Variants in GNAL observed in about 807,000 individuals in gnomAD.
GNAL encodes G protein subunit alpha L, also known as guanine nucleotide-binding protein G(olf) subunit alpha.
Under a neutral mutation model 55.1 loss-of-function variants are expected in GNAL, and 18 were observed. The ratio of observed to expected loss-of-function variants is 0.33; its 90% CI spans 0.23 to 0.48. The LOEUF is 0.48. Ranked by LOEUF, GNAL falls within the 20% of genes least tolerant of loss-of-function variation. The pLI is 0.99. For missense variants in GNAL, 412 were observed against 614.1 expected, an observed-to-expected ratio of 0.67 and a Z score of 3.48; for synonymous variants, 253 against 237.0, an observed-to-expected ratio of 1.07 and a Z score of -0.62.
chr18:11,695,928 A>ACGCGCG (rs1341342971), intron 1 of GNAL, among the ~76,000 whole-genome samples: 3 of 151,132 alleles, frequency 2.0e-5, no homozygotes, highest in African/African-American at 7.3e-5. Context: ...GCATGCACAC[A>ACGCGCG]CACACACACA....
intron 4 of GNAL, among the ~76,000 whole-genome samples, chr18:11,797,945 G>A (rs553443861): frequency 4.9e-4 from 75 of 152,302 alleles, no homozygotes; most frequent in African/African-American, 1.7e-3. Flanking sequence ...GAGAGGGTTA[G>A]TGAATTAACC....
chr18:11,826,467 C>T (rs1487071992), intron 5 of GNAL, among the ~76,000 whole-genome samples: 1 of 152,142 alleles, frequency 6.6e-6, no homozygotes. Flanking sequence ...ACCCCCAGGG[C>T]TGAAGACCAC....
intron 4 of GNAL, among the ~76,000 whole-genome samples, chr18:11,797,202 G>A (rs2034413912): frequency 6.6e-6 from 1 of 152,206 alleles, no homozygotes; most frequent in Non-Finnish European, 1.5e-5. Flanking sequence ...AAAGTGCTGG[G>A]ATTACAGGCG....
chr18:11,689,971 CCGGGGACAGCGCGCCGGGCCCG>C (rs1174598037), intron 1 of GNAL, 32 bp downstream of exon 1: 2 of 1,194,526 alleles, frequency 1.7e-6, no homozygotes, highest in East Asian at 3.2e-5. Context: ...GGCTGACGCC[CCGGGGACAGCGCGCCGGGCCCG>C]CGGGGGCGGC....
chr18:11,845,790 AG>A (rs1463308258), intron 5 of GNAL, among the ~76,000 whole-genome samples: 1 of 147,322 alleles, frequency 6.8e-6, no homozygotes, highest in East Asian at 2.2e-4. Context: ...AGAGAGAGAA[AG>A]AGAGAGGGAG....
intron 4 of GNAL, among the ~76,000 whole-genome samples, chr18:11,782,479 A>G (rs2033948191): frequency 6.6e-6 from 1 of 152,200 alleles, no homozygotes; most frequent in Non-Finnish European, 1.5e-5. Context: ...TAAGTACTAT[A>G]TTGTTTAAGC....
At chr18:11,698,878 A>G (rs1285193957) in intron 1 of GNAL, among the ~76,000 whole-genome samples, 1 of 152,154 alleles carries the variant, frequency 6.6e-6, no homozygotes, top group African/African-American at 2.4e-5. Flanking sequence ...TGTCAGACTA[A>G]TGTGTCATTT....
intron 4 of GNAL, among the ~76,000 whole-genome samples, chr18:11,822,281 C>A (rs578226154): frequency 7.2e-5 from 11 of 152,248 alleles, no homozygotes; most frequent in Admixed American, 1.3e-4. Context: ...TCCCATCCCC[C>A]CCACCGCCAA....
intron 4 of GNAL, among the ~76,000 whole-genome samples, chr18:11,759,817 G>A (rs1284066646): frequency 2.6e-5 from 4 of 152,200 alleles, no homozygotes; most frequent in African/African-American, 4.8e-5. Flanking sequence ...AGATTCTTCC[G>A]CACAATATCT....
At chr18:11,854,460 G>A (rs1182014372) in intron 5 of GNAL, 2 of 167,066 alleles carry the variant, frequency 1.2e-5, no homozygotes, top group African/African-American at 2.4e-5. Context: ...TTGGATGTGA[G>A]TGTGCATCCT....
intron 8 of GNAL, 37 bp downstream of exon 8, chr18:11,867,263 A>C (rs761592504): frequency 4.6e-5 from 58 of 1,251,430 alleles, no homozygotes; most frequent in Non-Finnish European, 6.7e-5. Context: ...AATAGGAGTG[A>C]ATTCTAACAC....
chr18:11,873,299 CCTT>C (rs1405742569), intron 10 of GNAL, among the ~76,000 whole-genome samples: 1 of 152,216 alleles, frequency 6.6e-6, no homozygotes, highest in African/African-American at 2.4e-5. Flanking sequence ...CTTTTTTGCT[CCTT>C]ATGTTCAATG....
chr18:11,843,359 T>C (rs2035659968), intron 5 of GNAL, among the ~76,000 whole-genome samples: 1 of 152,090 alleles, frequency 6.6e-6, no homozygotes. Context: ...AATTTTTTAC[T>C]ACTAAAAATA....
intron 5 of GNAL, among the ~76,000 whole-genome samples, chr18:11,830,809 G>A (rs1299383059): frequency 2.0e-5 from 3 of 152,196 alleles, no homozygotes; most frequent in Non-Finnish European, 2.9e-5. Context: ...AAGGAATAAA[G>A]TGCTGACACA....
rs111926890 is a variant in GNAL at position 11,865,967 on chromosome 18, C to G, written c.852-1201C>G. ...AGAGTTTCATGATCTCCAGTGTGTT[C>G]TGAGACTCCTGCAGTGCCCAGCGCC... is the stretch of plus-strand genomic sequence containing the variant. On this transcript the variant is annotated intron_variant, in intron 7 of 11. Coordinates refer to ENST00000334049, the MANE Select transcript of GNAL (RefSeq NM_182978.4). 8.3e-3 allele frequency among the ~76,000 whole-genome samples: 1,237 copies of G among 149,328 alleles called. 143 individuals are homozygous for G. The highest frequency in any genetic ancestry group is 0.03 in the African/African-American group (1,154 of 38,836).
Position 11,751,715 on chromosome 18 carries a change from C to T in GNAL, c.377-1138C>T, listed in dbSNP as rs1598428413. 2 of 962,458 alleles carry T rather than the reference C, an allele frequency of 2.1e-6. No individual in the cohort carries two copies. The highest frequency in any genetic ancestry group is 4.8e-5 in the South Asian group (1 of 20,900). 59.6% of individuals were successfully genotyped at this position (962,458 alleles called of 1,614,324 possible). A position where few individuals can be genotyped will look rare whatever the true frequency, so the allele number is the denominator to read the frequency against. On this transcript the variant is annotated intron_variant, in intron 1 of 11. Coordinates refer to ENST00000334049, the MANE Select transcript of GNAL (RefSeq NM_182978.4). This position sits in a 1 kb window ranked among gnomAD's most constrained non-coding sequence, Gnocchi z 4.5. Reference sequence around the variant, plus strand: ...CCCAGGCCGGTCAGCGTGTAAGCGCCCCAGCCGGCCGGGCTCCGTGGGGGG... The same window carrying T: ...CCCAGGCCGGTCAGCGTGTAAGCGCTCCAGCCGGCCGGGCTCCGTGGGGGG...
rs138941606 is a variant in GNAL, at chr18:11,727,258, G to A, written c.377-25595G>A. Among the ~76,000 whole-genome samples the A allele has an allele frequency of 3.0e-4, 45 of 152,318 alleles. No homozygotes were observed. In the East Asian group the frequency reaches 5.4e-3, roughly 18 times the overall value. ...TGCTGCTCTCCATCTGGGCGGAGCC[G>A]CAGGGTGTCAGGCATCCCAAGCCTG... is the stretch of plus-strand genomic sequence containing the variant. On this transcript the variant is annotated intron_variant, in intron 1 of 11. Coordinates refer to ENST00000334049, the MANE Select transcript of GNAL (RefSeq NM_182978.4).
intron 1 of GNAL, chr18:11,747,286 T>A (rs1311063186): frequency 4.6e-6 from 1 of 215,506 alleles, no homozygotes; most frequent in Non-Finnish European, 9.5e-6. Context: ...CCTGAAGAGA[T>A]TCTCTGGGGA....
intron 1 of GNAL, among the ~76,000 whole-genome samples, chr18:11,715,288 T>C (rs1053737450): frequency 1.9e-5 from 2 of 105,696 alleles, no homozygotes; most frequent in Non-Finnish European, 3.5e-5. Flanking sequence ...TGAAACCCTG[T>C]CTCTACTAAA....
Sources: allele counts gnomAD v4.1 joint callset (sites outside exome capture counted in the v4.1 genomes callset), GRCh38; gene constraint gnomAD v4.1.1; non-coding constraint Gnocchi (gnomAD v3.1); transcripts MANE v1.5; gene names NCBI Gene and HGNC (gene_info 2026-07-23, HGNC 2026-07-21).